The following PTPN9 variants were observed in gnomAD, a reference collection of about 807,000 sequenced individuals.
The protein encoded by PTPN9 is protein tyrosine phosphatase non-receptor type 9, also known as tyrosine-protein phosphatase non-receptor type 9.
A neutral mutation model predicts 69.8 loss-of-function variants in PTPN9; 26 were observed. The ratio of observed to expected loss-of-function variants is 0.37; its 90% CI spans 0.27 to 0.52. The LOEUF (loss-of-function observed/expected upper bound fraction) is 0.52. Among genes scored for constraint, PTPN9 ranks in the 20% least tolerant of loss-of-function variants. The pLI is 0.91. For synonymous variants in PTPN9, 274 were observed against 272.5 expected, an observed-to-expected ratio of 1.01 and a Z score of -0.05; for missense variants, 549 against 740.3, an observed-to-expected ratio of 0.74 and a Z score of 3.00.
chr15:75,563,414 T>A lies in PTPN9; in HGVS notation c.63+15300A>T, dbSNP rs1173353862. 2.6e-5 allele frequency among the ~76,000 whole-genome samples: 4 copies of A among 152,144 alleles called. No individual in the cohort carries two copies. In the East Asian group the frequency reaches 7.7e-4, roughly 29 times the overall value. On this transcript the variant is annotated intron_variant, in intron 1 of 12. Coordinates refer to ENST00000618819, the MANE Select transcript of PTPN9 (RefSeq NM_002833.4). ...TCTTAGCCAGGTTAGTCTCAAACTCTTGACCTCAAGGGATCCATCTGCCTC... is the reference window on the plus strand; with the variant it reads ...TCTTAGCCAGGTTAGTCTCAAACTCATGACCTCAAGGGATCCATCTGCCTC...
rs112370357 is a variant in PTPN9, at chr15:75,465,165, G to A, written c.*3604C>T. 30,797 of 151,932 alleles carry A rather than the reference G, an allele frequency of 0.2. 3,537 individuals carry two copies. The highest frequency in any genetic ancestry group is 0.26 in the Non-Finnish European group (17,442 of 67,962). The allele number at this position is 151,932 out of a possible 1,614,324, so 9.4% of individuals were successfully genotyped here. On this transcript the variant is annotated 3_prime_UTR_variant, in exon 13 of 13. Transcript: ENST00000618819. ...GTTGCCCAGGCTAGAGTGCAATGGCGCGATCTCGGCTCATTGCAACCTCTG... is the reference window on the plus strand; with the variant it reads ...GTTGCCCAGGCTAGAGTGCAATGGCACGATCTCGGCTCATTGCAACCTCTG...
At chr15:75,531,219 C>T (rs574560873) in intron 1 of PTPN9, among the ~76,000 whole-genome samples, 8 of 151,828 alleles carry the variant, frequency 5.3e-5, no homozygotes, top group Admixed American at 2.6e-4. Flanking sequence ...TAGAGCCTTA[C>T]GATTAAGGCA....
At chr15:75,573,381 C>T (rs974805743) in intron 1 of PTPN9, among the ~76,000 whole-genome samples, 5 of 152,274 alleles carry the variant, frequency 3.3e-5, no homozygotes, top group African/African-American at 1.2e-4. Flanking sequence ...TCATATTTGT[C>T]CTCGTAGCCC....
At chr15:75,498,035 CA>C (rs540217177) in intron 7 of PTPN9, among the ~76,000 whole-genome samples, 47 of 127,758 alleles carry the variant, frequency 3.7e-4, no homozygotes, top group Admixed American at 4.7e-4. Flanking sequence ...ACTAAAAATA[CA>C]AAAAAAAAAA....
intron 1 of PTPN9, among the ~76,000 whole-genome samples, chr15:75,534,829 C>T (rs991334663): frequency 6.6e-6 from 1 of 151,936 alleles, no homozygotes; most frequent in Non-Finnish European, 1.5e-5. Context: ...AAAAATTAAC[C>T]AGGTGTGCTG....
chr15:75,468,993 G>A lies in PTPN9; in HGVS notation c.1568-10C>T. The A allele has an allele frequency of 6.2e-7, 1 of 1,603,908 alleles. No homozygotes were observed. Among genetic ancestry groups the A allele is most frequent in the Non-Finnish European group, 8.5e-7 (1 of 1,171,514 alleles). On this transcript the variant is annotated splice_polypyrimidine_tract_variant and intron_variant, in intron 12 of 12. Coordinates refer to ENST00000618819, the MANE Select transcript of PTPN9 (RefSeq NM_002833.4). ...AGTGAGCAGAAGGTACCTGAAGAAGGAAGGAAGTGATCACATCTGGTTTAC... is the reference window on the plus strand; with the variant it reads ...AGTGAGCAGAAGGTACCTGAAGAAGAAAGGAAGTGATCACATCTGGTTTAC...
chr15:75,577,858 G>T (rs1254867205), intron 1 of PTPN9, among the ~76,000 whole-genome samples: 2 of 152,178 alleles, frequency 1.3e-5, no homozygotes, highest in Non-Finnish European at 2.9e-5. Flanking sequence ...GGAAGAGACA[G>T]CGAAAAGCCC....
intron 1 of PTPN9, chr15:75,570,210 AAAT>A (rs2075143051): frequency 6.6e-6 from 1 of 152,182 alleles, no homozygotes; most frequent in South Asian, 2.1e-4. Flanking sequence ...GCAATAATGA[AAAT>A]AATAAGAGTT....
At chr15:75,532,338 G>A (rs1476230822) in intron 1 of PTPN9, among the ~76,000 whole-genome samples, 2 of 151,768 alleles carry the variant, frequency 1.3e-5, no homozygotes, top group African/African-American at 4.8e-5. Context: ...GGAGGCAGAG[G>A]TTGCAGTGAT....
At chr15:75,561,518 C>A (rs553769795) in intron 1 of PTPN9, among the ~76,000 whole-genome samples, 87 of 151,854 alleles carry the variant, frequency 5.7e-4, no homozygotes, top group Non-Finnish European at 1.5e-5. Flanking sequence ...ATGAAATATA[C>A]TTTCCCATTA....
chr15:75,541,071 T>C (rs2075006362), intron 1 of PTPN9, among the ~76,000 whole-genome samples: 1 of 151,820 alleles, frequency 6.6e-6, no homozygotes, highest in Non-Finnish European at 1.5e-5. Flanking sequence ...AGTGAAACCC[T>C]GTCTCAAAAA....
At chr15:75,538,443 T>TCC (rs2074994496) in intron 1 of PTPN9, among the ~76,000 whole-genome samples, 1 of 152,062 alleles carries the variant, frequency 6.6e-6, no homozygotes, top group South Asian at 2.1e-4. Context: ...CAATCTATAA[T>TCC]CCCAGCACTC....
rs1319757138 is a variant in PTPN9, at chr15:75,463,582, T to A, written c.*5187A>T. On this transcript the variant is annotated 3_prime_UTR_variant, in exon 13 of 13. Coordinates refer to ENST00000618819, the MANE Select transcript of PTPN9 (RefSeq NM_002833.4). ...GCATTTAAGACTTCAGCAGGCCACA[T>A]TTAGCTCAAACAGGAGGATTTTATG... 1 of 152,174 alleles carries A rather than the reference T, an allele frequency of 6.6e-6. No individual in the cohort carries two copies. The highest frequency in any genetic ancestry group is 1.5e-5 in the Non-Finnish European group (1 of 68,042). 9.4% of individuals were successfully genotyped at this position (152,174 alleles called of 1,614,324 possible). A position where few individuals can be genotyped will look rare whatever the true frequency, so the allele number is the denominator to read the frequency against.
intron 7 of PTPN9, 27 bp downstream of exon 7, chr15:75,505,648 C>A (rs1331048050): frequency 3.2e-6 from 5 of 1,578,614 alleles, no homozygotes; most frequent in Admixed American, 3.4e-5. Flanking sequence ...TGGTAACCAG[C>A]TGCTGGCCCA....
At chr15:75,503,579 G>C (rs1275491531) in intron 7 of PTPN9, among the ~76,000 whole-genome samples, 1 of 96,130 alleles carries the variant, frequency 1.0e-5, no homozygotes, top group Non-Finnish European at 2.3e-5. Flanking sequence ...CAGCCGCTCC[G>C]TCCGGGAGGG....
At chr15:75,511,195 T>C (rs1004679926) in intron 5 of PTPN9, among the ~76,000 whole-genome samples, 1 of 152,168 alleles carries the variant, frequency 6.6e-6, no homozygotes, top group African/African-American at 2.4e-5. Flanking sequence ...ATTTTCCACA[T>C]TGTTTCCACT....
At chr15:75,514,347 G>T (rs2074859187) in intron 5 of PTPN9, among the ~76,000 whole-genome samples, 1 of 152,148 alleles carries the variant, frequency 6.6e-6, no homozygotes, top group South Asian at 2.1e-4. Context: ...GGGAGGCCAA[G>T]GTGGCTGGAT....
In PTPN9 at chr15:75,464,109, G is replaced by C. The variant is rs1375601309; in HGVS notation, c.*4660C>G. On this transcript the variant is annotated 3_prime_UTR_variant, in exon 13 of 13. Coordinates refer to ENST00000618819, the MANE Select transcript of PTPN9 (RefSeq NM_002833.4). ...GGGGGAAGAGAACTGAGGGAAGCTA[G>C]GGAAGTAGCAGCAGCTTGAAAGAAG... 6.6e-6 allele frequency: 1 copy of C among 152,500 alleles called. No homozygotes were observed. The highest frequency in any genetic ancestry group is 1.5e-5 in the Non-Finnish European group (1 of 68,328). 9.4% of individuals were successfully genotyped at this position (152,500 alleles called of 1,614,324 possible). A position where few individuals can be genotyped will look rare whatever the true frequency, so the allele number is the denominator to read the frequency against.
chr15:75,518,893 C>T (rs1273478213), intron 4 of PTPN9, among the ~76,000 whole-genome samples: 2 of 151,910 alleles, frequency 1.3e-5, no homozygotes, highest in African/African-American at 4.8e-5. Context: ...AGAAAGTATT[C>T]CTCAGTCCAA....
Sources: gnomAD v4.1 joint callset for allele counts (sites outside exome capture counted in the v4.1 genomes callset) on GRCh38, gnomAD v4.1.1 for gene constraint, MANE v1.5 for transcripts, NCBI Gene and HGNC (gene_info 2026-07-23, HGNC 2026-07-21) for gene names.